Variants in CTNNA3 observed in about 807,000 individuals in gnomAD.
CTNNA3 encodes catenin alpha 3.
CTNNA3 carries 76 observed loss-of-function variants against 95.7 expected under a neutral mutation model. That is an observed-to-expected ratio of 0.79 (90% CI 0.66 to 0.96). CTNNA3 has a LOEUF of 0.96. Ranked by LOEUF, CTNNA3 falls within the 40% of genes least tolerant of loss-of-function variation. The probability of loss-of-function intolerance (pLI) is 0.00; values close to 1 mark genes in which losing one functional copy is unlikely to be tolerated. For synonymous variants in CTNNA3, 431 were observed against 374.4 expected (o/e 1.15, Z -1.74); for missense variants, 1,191 against 1,089.8 (o/e 1.09, Z -1.31).
At chr10:66,395,244 G>A (rs1375837798) in intron 11 of CTNNA3, among the ~76,000 whole-genome samples, 3 of 151,910 alleles carry the variant, frequency 2.0e-5, no homozygotes, top group East Asian at 1.9e-4. Flanking sequence ...GCTCAGAGGT[G>A]CACAAAAATT....
At chr10:67,287,840 G>A (rs1564537052) in intron 5 of CTNNA3, among the ~76,000 whole-genome samples, 1 of 152,176 alleles carries the variant, frequency 6.6e-6, no homozygotes, top group African/African-American at 2.4e-5. Context: ...AATTAGGGGT[G>A]TAGTTTTAGT....
chr10:66,142,641 C>T (rs369063104), intron 13 of CTNNA3, among the ~76,000 whole-genome samples: 2 of 152,042 alleles, frequency 1.3e-5, no homozygotes, highest in South Asian at 2.1e-4. Context: ...TCAGCTCCAA[C>T]ATTAACCTTT....
chr10:66,120,732 CTT>C (rs1283164173), intron 13 of CTNNA3, among the ~76,000 whole-genome samples: 1 of 152,130 alleles, frequency 6.6e-6, no homozygotes, highest in East Asian at 1.9e-4. Flanking sequence ...TAAGAAGTAA[CTT>C]TTAGAGAAGC....
intron 15 of CTNNA3, among the ~76,000 whole-genome samples, chr10:66,005,210 A>T: frequency 6.6e-6 from 1 of 152,116 alleles, no homozygotes; most frequent in African/African-American, 2.4e-5. Context: ...AACACAGATG[A>T]TTTACAATAA....
At position 66,662,294 on chromosome 10, in the gene CTNNA3, A is replaced by G. The variant is rs1846290733; in HGVS notation, c.1282-40510T>C. ...TTAAGACATACATTCTTGCAATGAC[A>G]AAACATATACAATTTGCTTACTGGT... On this transcript the variant is annotated intron_variant, in intron 9 of 17. Transcript: ENST00000433211. Among the ~76,000 whole-genome samples the G allele has an allele frequency of 2.6e-5, 4 of 152,314 alleles. No individual in the cohort carries two copies. The South Asian group carries it at 8.3e-4, about 32-fold the overall frequency.
intron 7 of CTNNA3, among the ~76,000 whole-genome samples, chr10:66,994,559 A>G (rs10997473): frequency 3.7e-4 from 57 of 152,334 alleles, no homozygotes; most frequent in African/African-American, 1.3e-3. Flanking sequence ...AATGATACAA[A>G]AATAGCATTA....
intron 5 of CTNNA3, among the ~76,000 whole-genome samples, chr10:67,316,276 T>A (rs1354688300): frequency 6.6e-6 from 1 of 152,222 alleles, no homozygotes; most frequent in African/African-American, 2.4e-5. Context: ...TGGAAAGATG[T>A]TCAAATGCTG....
chr10:66,434,339 C>T (rs2093321215), intron 11 of CTNNA3, among the ~76,000 whole-genome samples: 1 of 152,050 alleles, frequency 6.6e-6, no homozygotes, highest in Non-Finnish European at 1.5e-5. Flanking sequence ...GTTTGTAGTT[C>T]CCCTTGAAGA....
At chr10:67,524,448 A>G (rs1840082250) in intron 4 of CTNNA3, among the ~76,000 whole-genome samples, 1 of 151,604 alleles carries the variant, frequency 6.6e-6, no homozygotes, top group African/African-American at 2.4e-5. Flanking sequence ...AACACAGAAA[A>G]CCAACACTTC....
At chr10:67,217,626 T>G (rs973368752) in intron 6 of CTNNA3, among the ~76,000 whole-genome samples, 1 of 152,224 alleles carries the variant, frequency 6.6e-6, no homozygotes, top group Admixed American at 6.5e-5. Flanking sequence ...ACTGCCATTT[T>G]GTGCCTGTGG....
At chr10:66,205,201 A>G (rs1413718362) in intron 13 of CTNNA3, among the ~76,000 whole-genome samples, 1 of 152,032 alleles carries the variant, frequency 6.6e-6, no homozygotes, top group East Asian at 1.9e-4. Context: ...TCTATAGTAC[A>G]GTAAGTCCTT....
intron 4 of CTNNA3, among the ~76,000 whole-genome samples, chr10:67,532,818 A>T (rs967693114): frequency 6.6e-6 from 1 of 152,172 alleles, no homozygotes; most frequent in Non-Finnish European, 1.5e-5. Context: ...GGTATTCGGA[A>T]TAAGTTTTAT....
At chr10:66,310,934 G>A (rs1439225242) in intron 12 of CTNNA3, among the ~76,000 whole-genome samples, 3 of 151,994 alleles carry the variant, frequency 2.0e-5, no homozygotes, top group South Asian at 2.1e-4. Context: ...TGATCCACCC[G>A]CCTTGGCCTC....
intron 15 of CTNNA3, among the ~76,000 whole-genome samples, chr10:66,004,157 C>G (rs908565409): frequency 1.3e-5 from 2 of 152,158 alleles, no homozygotes; most frequent in Admixed American, 1.3e-4. Context: ...GGTTTTATGT[C>G]AGTATGCATC....
At chr10:67,137,795 C>T (rs1860369058) in intron 7 of CTNNA3, among the ~76,000 whole-genome samples, 1 of 152,016 alleles carries the variant, frequency 6.6e-6, no homozygotes, top group African/African-American at 2.4e-5. Flanking sequence ...ATTCCATCTT[C>T]CACCCTAGCC....
intron 11 of CTNNA3, among the ~76,000 whole-genome samples, chr10:66,433,161 C>G (rs4271281): frequency 6.6e-6 from 1 of 151,862 alleles, no homozygotes; most frequent in East Asian, 1.9e-4. Context: ...TGGGTATATA[C>G]CCACTAATGG....
chr10:66,149,731 A>G lies in CTNNA3; in HGVS notation c.1885-46482T>C, dbSNP rs554921937. ...TAGTTTGTAGTTTACATTCTTATGC[A>G]TCTTTTTCAGATTATTAAAATTACA... On this transcript the variant is annotated intron_variant, in intron 13 of 17. Coordinates refer to ENST00000433211, the MANE Select transcript of CTNNA3 (RefSeq NM_013266.4). Among the ~76,000 whole-genome samples the G allele has an allele frequency of 8.4e-4, 128 of 151,906 alleles. 2 individuals are homozygous for G. Among genetic ancestry groups the G allele is most frequent in the African/African-American group, 2.9e-3 (122 of 41,540 alleles).
At chr10:67,495,576 T>C (rs961790062) in intron 5 of CTNNA3, among the ~76,000 whole-genome samples, 11 of 152,128 alleles carry the variant, frequency 7.2e-5, no homozygotes, top group African/African-American at 2.7e-4. Flanking sequence ...CATGTCTAAG[T>C]TTATTCTATT....
In CTNNA3 at chr10:65,919,433, T is replaced by TA. The variant is rs2077048648; in HGVS notation, c.*896dup. ...CCTTTTAATTACAATTGCAAGCTGA[T>TA]AAAAATGTATTTTTATGTTTGTAAA... On this transcript the variant is annotated 3_prime_UTR_variant, in exon 18 of 18. Transcript: ENST00000433211. 1 of 152,216 alleles carries TA rather than the reference T, an allele frequency of 6.6e-6. No individual in the cohort carries two copies. The highest frequency in any genetic ancestry group is 1.5e-5 in the Non-Finnish European group (1 of 68,028). The allele number at this position is 152,216 out of a possible 1,614,324, so 9.4% of individuals were successfully genotyped here. A position where few individuals can be genotyped will look rare whatever the true frequency, so the allele number is the denominator to read the frequency against.
Sources: gnomAD v4.1 joint callset for allele counts (sites outside exome capture counted in the v4.1 genomes callset) on GRCh38, gnomAD v4.1.1 for gene constraint, MANE v1.5 for transcripts, NCBI Gene and HGNC (gene_info 2026-07-23, HGNC 2026-07-21) for gene names.